Variants in NAALADL2 observed in about 807,000 individuals in gnomAD.
NAALADL2 encodes the protein inactive N-acetylated-alpha-linked acidic dipeptidase-like protein 2.
A neutral mutation model predicts 87.2 loss-of-function variants in NAALADL2; 76 were observed. The ratio of observed to expected loss-of-function variants is 0.87; its 90% CI spans 0.72 to 1.05. The LOEUF is 1.05. Among genes scored for constraint, NAALADL2 ranks in the 50% least tolerant of loss-of-function variants. The probability of loss-of-function intolerance (pLI) is 0.00; values close to 1 mark genes in which losing one functional copy is unlikely to be tolerated. For missense variants in NAALADL2, 1,089 were observed against 945.8 expected, an observed-to-expected ratio of 1.15 and a Z score of -1.99; for synonymous variants, 354 against 331.0, an observed-to-expected ratio of 1.07 and a Z score of -0.75.
chr3:174,695,681 G>A (rs539928), intron 2 of NAALADL2, among the ~76,000 whole-genome samples: 65,103 of 151,840 alleles, frequency 0.43, 14,835 homozygotes, highest in East Asian at 0.73. Flanking sequence ...AAGCAAATGA[G>A]TTTGTCTAAA....
intron 11 of NAALADL2, among the ~76,000 whole-genome samples, chr3:175,660,131 G>A (rs1732049902): frequency 6.6e-6 from 1 of 152,072 alleles, no homozygotes; most frequent in South Asian, 2.1e-4. Context: ...TTTTATAAGG[G>A]AACTAATCCT....
chr3:175,147,074 G>A (rs999393572), intron 2 of NAALADL2, among the ~76,000 whole-genome samples: 6 of 152,102 alleles, frequency 3.9e-5, no homozygotes, highest in South Asian at 4.1e-4. Flanking sequence ...GTTAAGAAAA[G>A]CAAACATGAT....
intron 2 of NAALADL2, among the ~76,000 whole-genome samples, chr3:174,683,656 GTGTGTGTGTGTAATGTA>G (rs1456868779): frequency 6.6e-6 from 1 of 151,076 alleles, no homozygotes; most frequent in Non-Finnish European, 1.5e-5. Context: ...GTGTGTGTGT[GTGTGTGTGTGTAATGTA>G]TATGTATTTT....
intron 4 of NAALADL2, among the ~76,000 whole-genome samples, chr3:175,307,561 A>G (rs1757870775): frequency 2.0e-5 from 3 of 152,182 alleles, no homozygotes; most frequent in Admixed American, 2.0e-4. Context: ...AGAAGCATAT[A>G]TTTCTTTAAC....
Position 175,475,368 on chromosome 3 carries a change from T to C in NAALADL2, c.1653+3610T>C, listed in dbSNP as rs772181895. 3.2e-4 allele frequency among the ~76,000 whole-genome samples: 48 copies of C among 152,198 alleles called. 1 individual carries two copies. Among genetic ancestry groups the C allele is most frequent in the Non-Finnish European group, 5.7e-4 (39 of 68,038 alleles). Reference sequence around the variant, plus strand: ...TCAAATAATAGTTTTAAAATTAAGATGCAAAACAAACACATATGCACCTCT... The same window carrying C: ...TCAAATAATAGTTTTAAAATTAAGACGCAAAACAAACACATATGCACCTCT... On this transcript the variant is annotated intron_variant, in intron 9 of 13. Transcript: ENST00000454872.
At chr3:174,844,621 C>T (rs1326876762) in intron 3 of NAALADL2, among the ~76,000 whole-genome samples, 2 of 151,890 alleles carry the variant, frequency 1.3e-5, no homozygotes, top group African/African-American at 4.8e-5. Context: ...TCTTCCAATC[C>T]GTAAACATTG....
rs146150437 is a variant in NAALADL2 at position 175,530,550 on chromosome 3, T to C, written c.1654-45491T>C. On this transcript the variant is annotated intron_variant, in intron 9 of 13. Coordinates refer to ENST00000454872, the MANE Select transcript of NAALADL2 (RefSeq NM_207015.3). ...GCTGTAATGCTGCAGCTGTCCACTT[T>C]TGGATGGTGCCTGCATATCGTGCAG... Among the ~76,000 whole-genome samples, 25 of 152,286 alleles carry C rather than the reference T, an allele frequency of 1.6e-4. No homozygotes were observed. The East Asian group carries it at 4.8e-3, about 30-fold the overall frequency.
At chr3:175,376,243 T>G (rs569973419) in intron 5 of NAALADL2, among the ~76,000 whole-genome samples, 1 of 152,130 alleles carries the variant, frequency 6.6e-6, no homozygotes, top group Non-Finnish European at 1.5e-5. Flanking sequence ...TCTGGTAACC[T>G]TTTTCTTCAC....
At chr3:174,780,757 T>C (rs914781426) in intron 3 of NAALADL2, among the ~76,000 whole-genome samples, 3 of 152,180 alleles carry the variant, frequency 2.0e-5, no homozygotes, top group Non-Finnish European at 4.4e-5. Context: ...TTTTTGTCAT[T>C]GGGGCATTTA....
At chr3:174,468,184 T>C (rs1379469035) in intron 1 of NAALADL2, among the ~76,000 whole-genome samples, 2 of 152,050 alleles carry the variant, frequency 1.3e-5, no homozygotes, top group Non-Finnish European at 2.9e-5. Context: ...AGAAAATCTG[T>C]CTAAGGTAGG....
chr3:175,096,556 C>G lies in NAALADL2; in HGVS notation c.44-234C>G, dbSNP rs187467753. 4.1e-4 allele frequency among the ~76,000 whole-genome samples: 62 copies of G among 150,064 alleles called. 1 individual carries two copies. The East Asian group carries it at 0.012, about 30-fold the overall frequency. On this transcript the variant is annotated intron_variant, in intron 1 of 13. Coordinates refer to ENST00000454872, the MANE Select transcript of NAALADL2 (RefSeq NM_207015.3). ...TGTGTGTAATTTTGTTTTCTCATAGCTTTCCCACTAAGTACCTTCTACTTT... is the reference window on the plus strand; with the variant it reads ...TGTGTGTAATTTTGTTTTCTCATAGGTTTCCCACTAAGTACCTTCTACTTT...
intron 13 of NAALADL2, among the ~76,000 whole-genome samples, chr3:175,776,904 G>T (rs1357073415): frequency 1.3e-5 from 2 of 151,990 alleles, no homozygotes; most frequent in Admixed American, 1.3e-4. Flanking sequence ...ACCCTAAATT[G>T]TTACATTAAA....
intron 4 of NAALADL2, among the ~76,000 whole-genome samples, chr3:175,286,625 C>G (rs6801180): frequency 0.51 from 77,785 of 151,576 alleles, 20,785 homozygotes; most frequent in African/African-American, 0.66. Context: ...ATTTTATTCT[C>G]TTGTTTGATT....
At chr3:175,628,609 C>CTATG (rs10663163) in intron 11 of NAALADL2, among the ~76,000 whole-genome samples, 6,463 of 131,926 alleles carry the variant, frequency 0.049, 203 homozygotes, top group East Asian at 0.12. Flanking sequence ...AATAATCTCT[C>CTATG]TCTCTATGTA....
At chr3:175,172,356 TCA>T (rs1484508627) in intron 2 of NAALADL2, among the ~76,000 whole-genome samples, 1 of 152,126 alleles carries the variant, frequency 6.6e-6, no homozygotes, top group East Asian at 1.9e-4. Flanking sequence ...TGAATTATCT[TCA>T]CAGTCAATAA....
intron 2 of NAALADL2, among the ~76,000 whole-genome samples, chr3:174,675,462 A>G (rs534047967): frequency 6.6e-6 from 1 of 152,184 alleles, no homozygotes; most frequent in South Asian, 2.1e-4. Flanking sequence ...ATGTTAAATA[A>G]GGTTCCTCGC....
At chr3:175,393,924 A>C in intron 5 of NAALADL2, among the ~76,000 whole-genome samples, 1 of 152,186 alleles carries the variant, frequency 6.6e-6, no homozygotes, top group East Asian at 1.9e-4. Context: ...AATGCTTTTA[A>C]TCTTTCATGA....
chr3:175,000,350 A>G lies in NAALADL2; in HGVS notation c.44-96440A>G, dbSNP rs564139235. On this transcript the variant is annotated intron_variant, in intron 1 of 13. Coordinates refer to ENST00000454872, the MANE Select transcript of NAALADL2 (RefSeq NM_207015.3). Reference sequence around the variant, plus strand: ...CTTTTTGAAGCTTTGCTAATATTCTATAGAGCAGGGGTTGGCAAACTTTTC... The same window carrying G: ...CTTTTTGAAGCTTTGCTAATATTCTGTAGAGCAGGGGTTGGCAAACTTTTC... Among the ~76,000 whole-genome samples the G allele has an allele frequency of 4.5e-4, 69 of 152,330 alleles. 2 individuals are homozygous for G. The South Asian group carries it at 0.011, about 23-fold the overall frequency.
At chr3:174,496,481 G>A in intron 1 of NAALADL2, among the ~76,000 whole-genome samples, 1 of 141,960 alleles carries the variant, frequency 7.0e-6, no homozygotes, top group Non-Finnish European at 1.5e-5. Context: ...GTGTGTGTCT[G>A]TGTCTATATG....
Sources: gnomAD v4.1 joint callset for allele counts (sites outside exome capture counted in the v4.1 genomes callset) on GRCh38, gnomAD v4.1.1 for gene constraint, MANE v1.5 for transcripts, NCBI Gene and HGNC (gene_info 2026-07-23, HGNC 2026-07-21) for gene names.